Variants in MAGI1 observed in about 807,000 individuals in gnomAD.
The protein encoded by MAGI1 is membrane associated guanylate kinase, WW and PDZ domain containing 1.
Under a neutral mutation model 139.9 loss-of-function variants are expected in MAGI1, and 58 were observed. That is an observed-to-expected ratio of 0.41 (90% CI 0.34 to 0.52). MAGI1 has a LOEUF of 0.52. MAGI1 is among the 20% of genes least tolerant of loss of function. MAGI1 has a pLI of 0.12. For synonymous variants in MAGI1, 812 were observed against 737.9 expected (o/e 1.10, Z -1.63); for missense variants, 1,874 against 1,901.6 (o/e 0.99, Z 0.27).
rs60686455 is a variant in MAGI1, at chr3:65,637,556, AAAAGAAAGAAAGAAAGAAAGAAAG to A, written c.314-15492_314-15469del. On this transcript the variant is annotated intron_variant, in intron 1 of 22. Coordinates refer to ENST00000402939, the MANE Select transcript of MAGI1 (RefSeq NM_001033057.2). ...GTGACATTGAGACCCTGTCTCCAAA[AAAAGAAAGAAAGAAAGAAAGAAAG>A]AAAGAAAGAAAGAAAGAAAGAAAGA... is the stretch of plus-strand genomic sequence containing the variant. Among the ~76,000 whole-genome samples, 234 of 127,978 alleles carry A rather than the reference AAAAGAAAGAAAGAAAGAAAGAAAG, an allele frequency of 1.8e-3. 3 individuals carry two copies. In the East Asian group the frequency reaches 0.021, roughly 12 times the overall value. The allele number at this position is 127,978 out of a possible 152,430, so 84.0% of individuals were successfully genotyped here.
At chr3:65,373,866 G>T (rs915646064) in intron 18 of MAGI1, among the ~76,000 whole-genome samples, 1 of 152,166 alleles carries the variant, frequency 6.6e-6, no homozygotes, top group African/African-American at 2.4e-5. Context: ...TTTAGTGTGG[G>T]ATATTTTTGG....
chr3:65,618,575 T>C (rs191277237), intron 2 of MAGI1, among the ~76,000 whole-genome samples: 142 of 152,306 alleles, frequency 9.3e-4, no homozygotes, highest in African/African-American at 2.6e-3. Flanking sequence ...AACTTTTTTT[T>C]TTCTTTTACT....
rs73127844 is a variant in MAGI1 at position 65,631,133 on chromosome 3, T to C, written c.314-9045A>G. ...AAGTAGCCTAGACTAAGGGAGTGTC[T>C]AGGAAGAAGGACAGGAAGGGGCAGA... On this transcript the variant is annotated intron_variant, in intron 1 of 22. Transcript: ENST00000402939. Among the ~76,000 whole-genome samples the C allele has an allele frequency of 6.4e-3, 981 of 152,262 alleles. 5 individuals are homozygous for C. The highest frequency in any genetic ancestry group is 8.2e-3 in the Non-Finnish European group (558 of 68,034).
At chr3:65,859,032 C>T (rs1200205939) in intron 1 of MAGI1, among the ~76,000 whole-genome samples, 1 of 152,132 alleles carries the variant, frequency 6.6e-6, no homozygotes, top group African/African-American at 2.4e-5. Context: ...GTGCTATGTG[C>T]TTTAAAAATG....
At chr3:65,694,922 T>C (rs143866851) in intron 1 of MAGI1, among the ~76,000 whole-genome samples, 7 of 152,240 alleles carry the variant, frequency 4.6e-5, no homozygotes, top group Admixed American at 1.3e-4. Flanking sequence ...GAATTACTTT[T>C]TTTGTGTGTA....
chr3:65,983,443 T>A (rs1267188453), intron 1 of MAGI1, among the ~76,000 whole-genome samples: 1 of 152,250 alleles, frequency 6.6e-6, no homozygotes. Context: ...ATTTCAACTC[T>A]GGACTTTTCT....
At chr3:65,864,048 A>G (rs2059639643) in intron 1 of MAGI1, among the ~76,000 whole-genome samples, 1 of 152,192 alleles carries the variant, frequency 6.6e-6, no homozygotes, top group Non-Finnish European at 1.5e-5. Flanking sequence ...TTTTATTTGT[A>G]AATAGGGTGA....
intron 1 of MAGI1, among the ~76,000 whole-genome samples, chr3:65,789,881 G>C (rs2039645611): frequency 6.6e-6 from 1 of 152,168 alleles, no homozygotes; most frequent in Non-Finnish European, 1.5e-5. Flanking sequence ...TCCTGTCTTT[G>C]TTCTGTTTTC....
At chr3:65,378,363 T>G (rs1272234991) in intron 17 of MAGI1, among the ~76,000 whole-genome samples, 5 of 152,120 alleles carry the variant, frequency 3.3e-5, no homozygotes, top group Admixed American at 6.5e-5. Flanking sequence ...TAACCAGACT[T>G]TAAATCAAGC....
chr3:65,915,128 C>A (rs1395037446), intron 1 of MAGI1, among the ~76,000 whole-genome samples: 6 of 152,172 alleles, frequency 3.9e-5, no homozygotes, highest in Non-Finnish European at 8.8e-5. Context: ...TTGCAAGAAA[C>A]TGCTAATCAT....
At chr3:65,987,676 C>A (rs1481970140) in intron 1 of MAGI1, among the ~76,000 whole-genome samples, 1 of 75,484 alleles carries the variant, frequency 1.3e-5, no homozygotes, top group East Asian at 7.4e-4. Context: ...CACACTGCAA[C>A]CTCTGCCTCC....
At chr3:65,831,865 C>T (rs1438235190) in intron 1 of MAGI1, among the ~76,000 whole-genome samples, 3 of 152,174 alleles carry the variant, frequency 2.0e-5, no homozygotes, top group African/African-American at 7.2e-5. Context: ...AAATGTGTCA[C>T]CACATATGTG....
intron 2 of MAGI1, among the ~76,000 whole-genome samples, chr3:65,505,712 G>A (rs945649061): frequency 9.3e-5 from 14 of 151,070 alleles, no homozygotes; most frequent in Non-Finnish European, 1.6e-4. Flanking sequence ...GGGGAATAAT[G>A]AACATTATTT....
intron 1 of MAGI1, among the ~76,000 whole-genome samples, chr3:65,823,427 G>A (rs978360635): frequency 6.6e-6 from 1 of 152,190 alleles, no homozygotes; most frequent in East Asian, 1.9e-4. Flanking sequence ...CATAGTAGGA[G>A]CTCAATAAAT....
intron 1 of MAGI1, among the ~76,000 whole-genome samples, chr3:65,882,987 A>G (rs264708): frequency 0.34 from 51,318 of 151,152 alleles, 10,745 homozygotes; most frequent in African/African-American, 0.59. Context: ...AAAAGGGAAG[A>G]GAAAGGACAA....
intron 3 of MAGI1, among the ~76,000 whole-genome samples, chr3:65,490,992 T>C (rs987473424): frequency 2.6e-5 from 4 of 152,122 alleles, no homozygotes; most frequent in African/African-American, 9.7e-5. Context: ...AAAATTCCAA[T>C]TCCAAAATAA....
chr3:66,028,857 C>T (rs1450564503), intron 1 of MAGI1, among the ~76,000 whole-genome samples: 6 of 152,078 alleles, frequency 3.9e-5, no homozygotes, highest in African/African-American at 1.4e-4. Context: ...TTTTTCTAGA[C>T]TTGAAAAGCT....
intron 2 of MAGI1, among the ~76,000 whole-genome samples, chr3:65,516,718 CTTTTTTTTTTTT>C (rs71102867): frequency 1.5e-4 from 10 of 67,000 alleles, no homozygotes; most frequent in East Asian, 5.5e-4. Flanking sequence ...CATCCCACCT[CTTTTTTTTTTTT>C]TTTTTTTTTT....
chr3:66,031,169 A>T (rs1357277932), intron 1 of MAGI1, among the ~76,000 whole-genome samples: 1 of 152,232 alleles, frequency 6.6e-6, no homozygotes, highest in Admixed American at 6.5e-5. Context: ...CTACTTTTTT[A>T]GGATGTGAAT....
Sources: allele counts gnomAD v4.1 joint callset (sites outside exome capture counted in the v4.1 genomes callset), GRCh38; gene constraint gnomAD v4.1.1; transcripts MANE v1.5; gene names NCBI Gene and HGNC (gene_info 2026-07-23, HGNC 2026-07-21).